The following RPGRIP1 variants were observed in gnomAD, a reference collection of about 807,000 sequenced individuals.
The protein encoded by RPGRIP1 is RPGR interacting protein 1.
A neutral mutation model predicts 157.9 loss-of-function variants in RPGRIP1; 128 were observed. The observed-to-expected ratio is 0.81, with a 90% CI of 0.70 to 0.94. RPGRIP1 has a LOEUF of 0.94. RPGRIP1 is among the 40% of genes least tolerant of loss of function. The pLI is 0.00. For synonymous variants in RPGRIP1, 554 were observed against 571.6 expected, an observed-to-expected ratio of 0.97 and a Z score of 0.44; for missense variants, 1,486 against 1,545.8, an observed-to-expected ratio of 0.96 and a Z score of 0.65.
At chr14:21,343,845 T>G (rs1885268412) in intron 22 of RPGRIP1, among the ~76,000 whole-genome samples, 1 of 149,708 alleles carries the variant, frequency 6.7e-6, no homozygotes, top group South Asian at 2.1e-4. Context: ...GAGTATTGAT[T>G]TTTGTTCTTC....
intron 21 of RPGRIP1, 91 bp from the exon 22 acceptor site, chr14:21,342,945 T>C (rs1254616289): frequency 2.3e-6 from 2 of 877,508 alleles, no homozygotes; most frequent in Non-Finnish European, 3.6e-6. Context: ...GGTTGATTTC[T>C]AGAGAGTACC....
intron 8 of RPGRIP1, chr14:21,310,861 T>G (rs1030689150): frequency 1.0e-5 from 7 of 672,894 alleles, no homozygotes; most frequent in Non-Finnish European, 1.9e-5. Flanking sequence ...TTTAAGCCTA[T>G]TGCTGGAGCA....
chr14:21,313,321 G>C lies in RPGRIP1; in HGVS notation c.1151+815G>C, dbSNP rs144843482. On this transcript the variant is annotated intron_variant, in intron 10 of 24. Transcript: ENST00000400017. Reference sequence around the variant, plus strand: ...GTTCGAGACCTGTCTGGGCAATATAGTGAGACCCTGTTCTCCACAAAAAGA... The same window carrying C: ...GTTCGAGACCTGTCTGGGCAATATACTGAGACCCTGTTCTCCACAAAAAGA... 3.7e-3 allele frequency among the ~76,000 whole-genome samples: 539 copies of C among 145,486 alleles called. 3 individuals are homozygous for C. Among genetic ancestry groups the C allele is most frequent in the African/African-American group, 0.014 (527 of 39,016 alleles).
chr14:21,333,552 G>A (rs563414136), intron 20 of RPGRIP1, among the ~76,000 whole-genome samples: 1 of 152,144 alleles, frequency 6.6e-6, no homozygotes, highest in East Asian at 1.9e-4. Flanking sequence ...TCATGAAGAA[G>A]GCTCATTTCT....
At position 21,294,789 on chromosome 14, in the gene RPGRIP1, G is replaced by A. The variant is rs1418714937; in HGVS notation, c.198G>A (p.Lys66=). Residue 66 remains lysine, a synonymous_variant, in exon 3 of 25, where the codon AAG becomes AAA. Transcript: ENST00000400017. ...TGTTGGTGAAGGAGCTTTCTTGGAA[G>A]CAACAGGATGAGATCAAAAGGTACT... ...DHMLVKELSW[K]QQDEIKRLRT... 2 of 1,551,640 alleles carry A rather than the reference G, an allele frequency of 1.3e-6. No homozygotes were observed. The highest frequency in any genetic ancestry group is 1.8e-5 in the Admixed American group (1 of 57,016).
chr14:21,351,232 T>G lies in RPGRIP1; in HGVS notation c.*16T>G, dbSNP rs773577567. ...GTTTTCATGAAGGAACAAGTGCTAT[T>G]CCAATCTAAAAGTCTCTGAGGGAAC... On this transcript the variant is annotated 3_prime_UTR_variant, in exon 25 of 25. Transcript: ENST00000400017. 10 of 1,480,204 alleles carry G rather than the reference T, an allele frequency of 6.8e-6. No individual in the cohort carries two copies. The highest frequency in any genetic ancestry group is 8.5e-6 in the Non-Finnish European group (9 of 1,064,946). 91.7% of individuals were successfully genotyped at this position (1,480,204 alleles called of 1,614,324 possible).
chr14:21,332,439 G>A (rs533077200), intron 20 of RPGRIP1, among the ~76,000 whole-genome samples: 2 of 152,220 alleles, frequency 1.3e-5, no homozygotes, highest in African/African-American at 4.8e-5. Context: ...TACATGACTG[G>A]CAAGAAATCC....
intron 10 of RPGRIP1, 171 bp from the exon 11 acceptor site, chr14:21,317,525 A>G: frequency 6.7e-7 from 1 of 1,498,102 alleles, no homozygotes; most frequent in Non-Finnish European, 8.9e-7. Flanking sequence ...AGTAGGACTC[A>G]AAAGTTCCAA....
intron 21 of RPGRIP1, among the ~76,000 whole-genome samples, chr14:21,337,634 G>A (rs970991865): frequency 1.3e-5 from 2 of 151,210 alleles, no homozygotes; most frequent in African/African-American, 4.9e-5. Flanking sequence ...TAGAGACGGA[G>A]TTTCACTATG....
chr14:21,326,265 C>T (rs1047611882), intron 17 of RPGRIP1, 92 bp downstream of exon 17: 7 of 833,562 alleles, frequency 8.4e-6, no homozygotes, highest in South Asian at 3.9e-5. Context: ...TTGCTTGAAA[C>T]AGTCTCTCTT....
chr14:21,325,071 G>T lies in RPGRIP1; in HGVS notation c.2215+1G>T. On this transcript the variant is annotated splice_donor_variant, in intron 15 of 24. Transcript: ENST00000400017. LOFTEE classifies it high-confidence loss of function. ...GTCCATGGCTTGGCCACACTGATTG[G>T]TAAGTGCCGTTGGCTTCCTGCGGCT... The T allele has an allele frequency of 2.5e-6, 4 of 1,604,410 alleles. No homozygotes were observed. Among genetic ancestry groups the T allele is most frequent in the Non-Finnish European group, 3.4e-6 (4 of 1,173,020 alleles).
intron 17 of RPGRIP1, among the ~76,000 whole-genome samples, chr14:21,326,741 CATG>C (rs1883156716): frequency 6.6e-6 from 1 of 152,126 alleles, no homozygotes; most frequent in African/African-American, 2.4e-5. Context: ...TTTCTTAGTG[CATG>C]ACTACATAGA....
chr14:21,294,992 C>T (rs569328502), intron 3 of RPGRIP1, among the ~76,000 whole-genome samples, 183 bp downstream of exon 3: 6 of 151,562 alleles, frequency 4.0e-5, no homozygotes, highest in South Asian at 2.1e-4. Context: ...TATAGGCATG[C>T]GTCACCATGC....
intron 5 of RPGRIP1, chr14:21,303,050 A>G: frequency 3.4e-6 from 1 of 295,584 alleles, no homozygotes. Context: ...TTGTATTTTT[A>G]GTGGACACAG....
At chr14:21,309,843 A>C (rs79640490) in intron 7 of RPGRIP1, among the ~76,000 whole-genome samples, 1 of 151,362 alleles carries the variant, frequency 6.6e-6, no homozygotes, top group Non-Finnish European at 1.5e-5. Context: ...TTAAAAAAAA[A>C]GTTTGGGAGG....
chr14:21,315,802 T>G (rs1442681561), intron 10 of RPGRIP1, among the ~76,000 whole-genome samples: 1 of 136,292 alleles, frequency 7.3e-6, no homozygotes, highest in Admixed American at 7.5e-5. Context: ...TTATTATTAT[T>G]ATTATTTTTT....
intron 1 of RPGRIP1, among the ~76,000 whole-genome samples, chr14:21,287,339 C>T (rs1255031108): frequency 6.6e-6 from 1 of 152,178 alleles, no homozygotes; most frequent in Non-Finnish European, 1.5e-5. Context: ...TATGAGGCAA[C>T]TCTATAGACA....
chr14:21,282,731 T>G (rs1440018388), intron 1 of RPGRIP1, among the ~76,000 whole-genome samples: 3 of 148,162 alleles, frequency 2.0e-5, no homozygotes, highest in African/African-American at 7.5e-5. Context: ...TGCCTCAGCC[T>G]CCCCAGTAGC....
chr14:21,334,847 A>G (rs1884167931), intron 21 of RPGRIP1, 142 bp downstream of exon 21: 1 of 504,400 alleles, frequency 2.0e-6, no homozygotes, highest in Non-Finnish European at 3.5e-6. Flanking sequence ...GTTCGAGACC[A>G]GCCTGACCAA....
Sources: allele counts gnomAD v4.1 joint callset (sites outside exome capture counted in the v4.1 genomes callset), GRCh38; gene constraint gnomAD v4.1.1; transcripts MANE v1.5; gene names NCBI Gene and HGNC (gene_info 2026-07-23, HGNC 2026-07-21).